Variants in DYNC1I2 observed in about 807,000 individuals in gnomAD.
The protein encoded by DYNC1I2 is dynein cytoplasmic 1 intermediate chain 2.
DYNC1I2 carries 53 observed loss-of-function variants against 88.6 expected under a neutral mutation model. The ratio of observed to expected loss-of-function variants is 0.60; its 90% CI spans 0.48 to 0.75. The LOEUF is 0.75. Ranked by LOEUF, DYNC1I2 falls within the 30% of genes least tolerant of loss-of-function variation. The probability of loss-of-function intolerance (pLI) is 0.00; values close to 1 mark genes in which losing one functional copy is unlikely to be tolerated. For missense variants in DYNC1I2, 458 were observed against 766.6 expected (o/e 0.60, Z 4.75); for synonymous variants, 198 against 254.6 (o/e 0.78, Z 2.12).
Position 171,728,745 on chromosome 2 carries a change from C to G in DYNC1I2, c.1286C>G (p.Ser429Ter), listed in dbSNP as rs1432920138. 17 of 1,606,662 alleles carry G rather than the reference C, an allele frequency of 1.1e-5. No homozygotes were observed. The highest frequency in any genetic ancestry group is 1.4e-5 in the Non-Finnish European group (17 of 1,177,278). Residue 429 changes from serine to a stop codon, truncating the protein, a stop_gained, in exon 14 of 18, where the codon TCA (serine) becomes TGA (stop). Coordinates refer to ENST00000397119, the MANE Select transcript of DYNC1I2 (RefSeq NM_001378.3). LOFTEE classifies it high-confidence loss of function. ...QDSMELVHKQ[S>*]KAVAVTSMSF... ...AGCATGGAGTTGGTTCATAAACAGT[C>G]AAAAGCAGTAGCTGTGACATCTATG... is the stretch of plus-strand genomic sequence containing the variant.
intron 14 of DYNC1I2, 107 bp downstream of exon 14, chr2:171,728,957 G>T (rs1205854241): frequency 4.1e-5 from 52 of 1,254,136 alleles, no homozygotes; most frequent in Non-Finnish European, 5.5e-5. Flanking sequence ...CTTGTTATTT[G>T]TGACAGATTT....
At position 171,706,557 on chromosome 2, in the gene DYNC1I2, A is replaced by G; in HGVS notation, c.237A>G (p.Glu79=). Reference sequence around the variant, plus strand: ...GTCTGTACACTTCAGTTTTTTCTGAATACTGGGGTAAGGAAGTTCCCATAA... The same window carrying G: ...GTCTGTACACTTCAGTTTTTTCTGAGTACTGGGGTAAGGAAGTTCCCATAA... The part of the protein sequence containing the change: ...LTPESPIVFS[E]YWVPPPMSPS... The change falls in exon 4 of 18, where the codon GAA becomes GAG. Residue 79 remains glutamate (E), a synonymous_variant. Transcript: ENST00000397119. The G allele has an allele frequency of 6.2e-7, 1 of 1,612,254 alleles. No homozygotes were observed. Among genetic ancestry groups the G allele is most frequent in the Non-Finnish European group, 8.5e-7 (1 of 1,178,820 alleles).
At position 171,749,670 on chromosome 2, in the gene DYNC1I2, G is replaced by T. The variant is rs371637113; in HGVS notation, c.*1781G>T. ...CCTCAGCCTCAAGGTGTGTTTAGTT[G>T]TGAAAGAAAGAATAAAATTGTTTAA... On this transcript the variant is annotated 3_prime_UTR_variant, in exon 18 of 18. Coordinates refer to ENST00000397119, the MANE Select transcript of DYNC1I2 (RefSeq NM_001378.3). 1.3e-5 allele frequency among the ~76,000 whole-genome samples: 2 copies of T among 152,124 alleles called. No individual in the cohort carries two copies. The highest frequency in any genetic ancestry group is 4.1e-4 in the South Asian group (2 of 4,826).
chr2:171,741,999 A>G (rs1286674541), intron 15 of DYNC1I2, among the ~76,000 whole-genome samples: 2 of 151,310 alleles, frequency 1.3e-5, no homozygotes, highest in South Asian at 4.2e-4. Context: ...GGAGAATCGC[A>G]TGAACCCAGT....
chr2:171,729,725 G>A lies in DYNC1I2; in HGVS notation c.1408G>A (p.Glu470Lys), dbSNP rs1177189571. The A allele has an allele frequency of 1.9e-6, 3 of 1,612,608 alleles. No homozygotes were observed. The highest frequency in any genetic ancestry group is 2.5e-6 in the Non-Finnish European group (3 of 1,179,710). ...CRHGSKAGIS[E>K]MFEGHQGPIT... Reference sequence around the variant, plus strand: ...TGAAATTAGCAAAGCTGGAATCAGTGAGATGTTTGAGGGGCATCAAGGACC... The same window carrying A: ...TGAAATTAGCAAAGCTGGAATCAGTAAGATGTTTGAGGGGCATCAAGGACC... The change falls in exon 15 of 18, where the codon GAG (glutamate) becomes AAG (lysine). Residue 470 changes from glutamate (E) to lysine (K), a missense_variant. Around this residue, in one of 5 missense-constraint regions of DYNC1I2, gnomAD observed 188 missense variants for 300.4 expected, o/e 0.63. Coordinates refer to ENST00000397119, the MANE Select transcript of DYNC1I2 (RefSeq NM_001378.3).
chr2:171,747,743 A>G (rs773732941), intron 17 of DYNC1I2, 33 bp from the exon 18 acceptor site: 1 of 1,413,932 alleles, frequency 7.1e-7, no homozygotes, highest in Admixed American at 1.8e-5. Context: ...CTTTTATTTC[A>G]TTGTATATAA....
In DYNC1I2 at chr2:171,729,733, T is replaced by G. The variant is rs1165310140; in HGVS notation, c.1416T>G (p.Phe472Leu). Reference protein sequence around the residue: ...HGSKAGISEMFEGHQGPITGI... With the variant: ...HGSKAGISEMLEGHQGPITGI... ...GCAAAGCTGGAATCAGTGAGATGTT[T>G]GAGGGGCATCAAGGACCAATCACTG... Residue 472 changes from phenylalanine to leucine, a missense_variant, in exon 15 of 18, where the codon TTT becomes TTG. Coordinates refer to ENST00000397119, the MANE Select transcript of DYNC1I2 (RefSeq NM_001378.3). 6.2e-7 allele frequency: 1 copy of G among 1,612,754 alleles called. No homozygotes were observed. Among genetic ancestry groups the G allele is most frequent in the Admixed American group, 1.7e-5 (1 of 60,010 alleles).
chr2:171,730,293 T>G lies in DYNC1I2; in HGVS notation c.1536+440T>G, dbSNP rs559352934. ...AGGGAAAAGAGAGAGAGAAACTGATTTACAATAAGTCCTGTATAATATGGC... is the reference window on the plus strand; with the variant it reads ...AGGGAAAAGAGAGAGAGAAACTGATGTACAATAAGTCCTGTATAATATGGC... On this transcript the variant is annotated intron_variant, in intron 15 of 17. Transcript: ENST00000397119. Among the ~76,000 whole-genome samples the G allele has an allele frequency of 2.0e-5, 3 of 152,322 alleles. No homozygotes were observed. In the East Asian group the frequency reaches 5.8e-4, roughly 29 times the overall value.
intron 7 of DYNC1I2, among the ~76,000 whole-genome samples, chr2:171,718,261 A>T (rs1687655391): frequency 6.6e-6 from 1 of 151,416 alleles, no homozygotes; most frequent in Non-Finnish European, 1.5e-5. Context: ...TCCAGCCAAG[A>T]TTTTCATTTT....
intron 4 of DYNC1I2, 83 bp from the exon 5 acceptor site, chr2:171,707,204 T>G (rs750645644): frequency 1.3e-6 from 2 of 1,597,366 alleles, no homozygotes; most frequent in Non-Finnish European, 8.5e-7. Context: ...GTTAATTACT[T>G]CATTAAATTA....
intron 5 of DYNC1I2, among the ~76,000 whole-genome samples, chr2:171,711,817 TTA>T (rs1248884666): frequency 2.6e-5 from 4 of 152,232 alleles, no homozygotes; most frequent in Non-Finnish European, 5.9e-5. Context: ...TTATAATGTC[TTA>T]CATAAGTGAA....
intron 3 of DYNC1I2, among the ~76,000 whole-genome samples, chr2:171,698,895 C>T (rs953520224): frequency 2.6e-5 from 4 of 151,648 alleles, no homozygotes; most frequent in Non-Finnish European, 2.9e-5. Context: ...AACAGGGTCT[C>T]GCCGTGTTGC....
chr2:171,690,272 GA>G lies in DYNC1I2; in HGVS notation c.108+10del. 1 of 1,528,342 alleles carries G rather than the reference GA, an allele frequency of 6.5e-7. No individual in the cohort carries two copies. The highest frequency in any genetic ancestry group is 1.7e-4 in the Middle Eastern group (1 of 5,914). The allele number at this position is 1,528,342 out of a possible 1,614,324, so 94.7% of individuals were successfully genotyped here. On this transcript the variant is annotated intron_variant, in intron 2 of 17. Coordinates refer to ENST00000397119, the MANE Select transcript of DYNC1I2 (RefSeq NM_001378.3). ...AAAGGAAAAAAAAAGAAGTATGTTTGATTTTTTTGCTTAAATAAACAACATA... is the reference window on the plus strand; with the variant it reads ...AAAGGAAAAAAAAAGAAGTATGTTTGTTTTTTTGCTTAAATAAACAACATA...
chr2:171,704,242 G>T (rs1372779776), intron 3 of DYNC1I2, among the ~76,000 whole-genome samples: 2 of 152,028 alleles, frequency 1.3e-5, no homozygotes, highest in Non-Finnish European at 2.9e-5. Context: ...TGGTAGGAAA[G>T]GCTTTCTTGA....
rs116124837 is a variant in DYNC1I2 at position 171,725,334 on chromosome 2, A to G, written c.512-284A>G. ...TTCATCCTAGTTGCTTATATATCTT[A>G]TTTCAGTTTATGTAGCTACAGAATT... On this transcript the variant is annotated intron_variant, in intron 7 of 17. Transcript: ENST00000397119. 2.4e-3 allele frequency among the ~76,000 whole-genome samples: 367 copies of G among 152,246 alleles called. 2 individuals carry two copies. The highest frequency in any genetic ancestry group is 7.4e-3 in the African/African-American group (308 of 41,546).
At chr2:171,731,759 G>T (rs1415316453) in intron 15 of DYNC1I2, among the ~76,000 whole-genome samples, 1 of 151,938 alleles carries the variant, frequency 6.6e-6, no homozygotes, top group Non-Finnish European at 1.5e-5. Context: ...GTCCATGGTG[G>T]GTTCTTGTCT....
rs543589194 is a variant in DYNC1I2, at chr2:171,738,130, G to A, written c.1537-5919G>A. On this transcript the variant is annotated intron_variant, in intron 15 of 17. Coordinates refer to ENST00000397119, the MANE Select transcript of DYNC1I2 (RefSeq NM_001378.3). ...GCAGATCATCTGAGGTCAGGAGTTC[G>A]AGACCAGCTTGGCCAACGTGGTGAA... Among the ~76,000 whole-genome samples the A allele has an allele frequency of 1.2e-4, 18 of 152,122 alleles. 1 individual carries two copies. Among genetic ancestry groups the A allele is most frequent in the African/African-American group, 3.4e-4 (14 of 41,508 alleles).
intron 13 of DYNC1I2, 29 bp downstream of exon 13, chr2:171,728,447 T>C: frequency 7.3e-7 from 1 of 1,365,286 alleles, no homozygotes; most frequent in South Asian, 1.3e-5. Flanking sequence ...ACTGAAATTT[T>C]GAGGCAAATG....
rs1688386664 is a variant in DYNC1I2 at position 171,728,401 on chromosome 2, A to G, written c.1240A>G (p.Met414Val). The change falls in exon 13 of 18, where the codon ATG (methionine) becomes GTG (valine). Residue 414 changes from methionine (M) to valine (V), a missense_variant. By Grantham distance (21) the Met-to-Val change is conservative. Around this residue, in one of 5 missense-constraint regions of DYNC1I2, gnomAD observed 188 missense variants for 300.4 expected, o/e 0.63. Coordinates refer to ENST00000397119, the MANE Select transcript of DYNC1I2 (RefSeq NM_001378.3). Reference sequence around the variant, plus strand: ...AAAAATTTGTTCATGGAGTCTGGACATGCTTTCCCATCCACAGGTGGGTTA... The same window carrying G: ...AAAAATTTGTTCATGGAGTCTGGACGTGCTTTCCCATCCACAGGTGGGTTA... ...DGKICSWSLD[M>V]LSHPQDSMEL... 6.3e-7 allele frequency: 1 copy of G among 1,592,528 alleles called. No homozygotes were observed. The highest frequency in any genetic ancestry group is 2.2e-5 in the East Asian group (1 of 44,620).
Sources: allele counts gnomAD v4.1 joint callset (sites outside exome capture counted in the v4.1 genomes callset), GRCh38; gene constraint gnomAD v4.1.1; regional missense constraint gnomAD v4.1.1; transcripts MANE v1.5; gene names NCBI Gene and HGNC (gene_info 2026-07-23, HGNC 2026-07-21).